The following MLIP variants were observed in gnomAD, a reference collection of about 807,000 sequenced individuals.
MLIP encodes the protein muscular LMNA interacting protein, also known as muscular LMNA-interacting protein.
MLIP carries 79 observed loss-of-function variants against 84.8 expected under a neutral mutation model. The observed-to-expected ratio is 0.93, with a 90% CI of 0.78 to 1.12. The LOEUF is 1.12. MLIP is among the 50% of genes most tolerant of loss of function. The pLI is 0.00. For synonymous variants in MLIP, 504 were observed against 463.0 expected (o/e 1.09, Z -1.14); for missense variants, 1,257 against 1,160.6 (o/e 1.08, Z -1.21).
Position 54,138,171 on chromosome 6 carries a change from A to G in MLIP, c.2102A>G (p.Asn701Ser). The change falls in exon 4 of 14, where the codon AAC (asparagine) becomes AGC (serine). Residue 701 changes from asparagine to serine, a missense_variant. Coordinates refer to ENST00000502396, the MANE Select transcript of MLIP (RefSeq NM_001281747.2). ...RLGKSESTTP[N>S]HRSPVSTPSL... ...GGGAAATCTGAAAGCACCACCCCCAACCACAGGTCACCTGTTTCAACCCCA... is the reference window on the plus strand; with the variant it reads ...GGGAAATCTGAAAGCACCACCCCCAGCCACAGGTCACCTGTTTCAACCCCA... 6.5e-7 allele frequency: 1 copy of G among 1,535,954 alleles called. No homozygotes were observed. Among genetic ancestry groups the G allele is most frequent in the Non-Finnish European group, 8.7e-7 (1 of 1,146,844 alleles).
intron 1 of MLIP, among the ~76,000 whole-genome samples, chr6:54,102,450 A>G (rs973404638): frequency 2.0e-5 from 3 of 152,030 alleles, no homozygotes; most frequent in East Asian, 1.9e-4. Context: ...ATCTTTCTTT[A>G]TGTACCCTGG....
At chr6:54,123,680 A>G (rs1314110998) in intron 2 of MLIP, among the ~76,000 whole-genome samples, 1 of 152,240 alleles carries the variant, frequency 6.6e-6, no homozygotes, top group Non-Finnish European at 1.5e-5. Context: ...CCTTACAGAA[A>G]AGCTGCAGAG....
At chr6:54,065,816 TC>T (rs1766203170) in intron 1 of MLIP, among the ~76,000 whole-genome samples, 1 of 99,994 alleles carries the variant, frequency 1.0e-5, no homozygotes, top group African/African-American at 2.6e-5. Context: ...CATCAAACTT[TC>T]TGTAGATTTG....
chr6:54,201,010 T>G (rs1380036309), intron 10 of MLIP, among the ~76,000 whole-genome samples: 1 of 152,224 alleles, frequency 6.6e-6, no homozygotes, highest in South Asian at 2.1e-4. Flanking sequence ...GAAGAATGAT[T>G]GCAGCAAAAG....
intron 1 of MLIP, among the ~76,000 whole-genome samples, chr6:54,112,167 G>A (rs1348045212): frequency 1.3e-5 from 2 of 152,196 alleles, no homozygotes; most frequent in African/African-American, 2.4e-5. Flanking sequence ...GTGCAATGCT[G>A]TTAACATGCA....
At chr6:54,081,037 G>A (rs1490779070) in intron 1 of MLIP, among the ~76,000 whole-genome samples, 9 of 151,860 alleles carry the variant, frequency 5.9e-5, no homozygotes, top group African/African-American at 2.2e-4. Context: ...TTCTGCCTAA[G>A]TGCCCTTCAA....
chr6:54,257,210 A>G, intron 12 of MLIP, 98 bp from the exon 13 acceptor site: 1 of 830,470 alleles, frequency 1.2e-6, no homozygotes, highest in East Asian at 2.5e-5. Flanking sequence ...CTGCAATAAA[A>G]TATTTATGTC....
At chr6:54,218,972 A>G (rs12177981) in intron 11 of MLIP, among the ~76,000 whole-genome samples, 17,411 of 151,742 alleles carry the variant, frequency 0.11, 1,302 homozygotes, top group East Asian at 0.2. Context: ...GGGAGGCTGA[A>G]GCAGGCGGAT....
chr6:54,218,883 A>T (rs1458740191), intron 11 of MLIP, among the ~76,000 whole-genome samples: 1 of 151,892 alleles, frequency 6.6e-6, no homozygotes, highest in East Asian at 1.9e-4. Context: ...TGAAGTTTTT[A>T]AACTTTTTGA....
intron 1 of MLIP, among the ~76,000 whole-genome samples, chr6:54,021,881 G>C (rs1309859632): frequency 6.6e-6 from 1 of 152,142 alleles, no homozygotes; most frequent in Non-Finnish European, 1.5e-5. Flanking sequence ...AATTAACATG[G>C]ACTTAAAAGG....
intron 12 of MLIP, among the ~76,000 whole-genome samples, chr6:54,241,772 G>C (rs553138464): frequency 1.1e-3 from 164 of 151,958 alleles, no homozygotes; most frequent in Non-Finnish European, 2.0e-3. Flanking sequence ...CTAAGCAGCT[G>C]CTCTTGAGAT....
chr6:54,235,346 C>T (rs1258424883), intron 12 of MLIP, among the ~76,000 whole-genome samples: 1 of 152,192 alleles, frequency 6.6e-6, no homozygotes, highest in Non-Finnish European at 1.5e-5. Flanking sequence ...TCCTTGCTTA[C>T]ACAAACCATT....
intron 1 of MLIP, among the ~76,000 whole-genome samples, chr6:54,043,108 A>G (rs901974267): frequency 6.6e-6 from 1 of 152,132 alleles, no homozygotes; most frequent in African/African-American, 2.4e-5. Flanking sequence ...CACTCCTACA[A>G]ACATCCTCGA....
chr6:54,145,796 A>C (rs4715445), intron 4 of MLIP, among the ~76,000 whole-genome samples: 41,635 of 134,906 alleles, frequency 0.31, 6,277 homozygotes, highest in African/African-American at 0.44. Context: ...CTCCCCCACA[A>C]AAAAAAAAAG....
chr6:54,234,895 C>A (rs768612924), intron 12 of MLIP, among the ~76,000 whole-genome samples: 5 of 152,148 alleles, frequency 3.3e-5, no homozygotes, highest in Non-Finnish European at 5.9e-5. Flanking sequence ...CACTCACAGG[C>A]CTTAGTGATT....
chr6:54,215,108 T>G, intron 11 of MLIP: 1 of 1,480,626 alleles, frequency 6.8e-7, no homozygotes, highest in Non-Finnish European at 9.1e-7. Context: ...GCTGTGTACT[T>G]CCTCACTAAA....
chr6:54,064,736 TG>T (rs1766160500), intron 1 of MLIP, among the ~76,000 whole-genome samples: 1 of 99,190 alleles, frequency 1.0e-5, no homozygotes, highest in South Asian at 3.6e-4. Flanking sequence ...AGTTTAGGTT[TG>T]GGGGACTCTA....
chr6:54,244,187 A>T (rs191556800), intron 12 of MLIP, among the ~76,000 whole-genome samples: 2 of 152,286 alleles, frequency 1.3e-5, no homozygotes, highest in Admixed American at 6.5e-5. Context: ...GTGTGAATAA[A>T]CCAGGTAATT....
chr6:54,037,786 C>T lies in MLIP; in HGVS notation c.63+18695C>T, dbSNP rs138788137. Among the ~76,000 whole-genome samples, 428 of 151,976 alleles carry T rather than the reference C, an allele frequency of 2.8e-3. 5 individuals carry two copies. Among genetic ancestry groups the T allele is most frequent in the African/African-American group, 9.7e-3 (401 of 41,514 alleles). On this transcript the variant is annotated intron_variant, in intron 1 of 12. Coordinates refer to the MLIP transcript ENST00000274897. ...GTGAGTAATGGTAAAAACAAAGTTA[C>T]CAGTGCTGAGTGCTTAAGGCATCAT...
Sources: gnomAD v4.1 joint callset for allele counts (sites outside exome capture counted in the v4.1 genomes callset) on GRCh38, gnomAD v4.1.1 for gene constraint, MANE v1.5 for transcripts, NCBI Gene and HGNC (gene_info 2026-07-23, HGNC 2026-07-21) for gene names.